ALCAM: variants seen among roughly 807,000 people sequenced by gnomAD.
The protein encoded by ALCAM is CD166 antigen.
In ALCAM, 30 loss-of-function variants were observed where a neutral mutation model predicts 70.9. The ratio of observed to expected loss-of-function variants is 0.42; its 90% CI spans 0.32 to 0.57. The LOEUF is 0.57. Ranked by LOEUF, ALCAM falls within the 20% of genes least tolerant of loss-of-function variation. The pLI, the probability that ALCAM is intolerant of heterozygous loss-of-function variation, is 0.11. For synonymous variants in ALCAM, 249 were observed against 242.5 expected (o/e 1.03, Z -0.25); for missense variants, 591 against 695.1 (o/e 0.85, Z 1.68).
intron 1 of ALCAM, among the ~76,000 whole-genome samples, chr3:105,406,961 C>T (rs6437587): frequency 0.7 from 106,881 of 151,850 alleles, 37,886 homozygotes; most frequent in East Asian, 0.92. Context: ...GTAGAGGAGA[C>T]GAATAAATTC....
At chr3:105,509,549 T>C (rs1351277893) in intron 1 of ALCAM, among the ~76,000 whole-genome samples, 6 of 152,100 alleles carry the variant, frequency 3.9e-5, no homozygotes, top group Non-Finnish European at 8.8e-5. Flanking sequence ...GCCTGTTTTT[T>C]TTATCTGCTT....
rs998030362 is a variant in ALCAM, at chr3:105,525,150, C to T, written c.394+642C>T. 4.1e-6 allele frequency: 4 copies of T among 982,454 alleles called. No homozygotes were observed. In the Admixed American group the frequency reaches 1.9e-4, roughly 46 times the overall value. 60.9% of individuals were successfully genotyped at this position (982,454 alleles called of 1,614,324 possible). A position where few individuals can be genotyped will look rare whatever the true frequency, so the allele number is the denominator to read the frequency against. ...GTATTCACTTGCTTTAGAAAATTGT[C>T]CTAAAATTAAAAAAACTCACTATAC... On this transcript the variant is annotated intron_variant, in intron 3 of 15. Transcript: ENST00000306107.
chr3:105,434,087 T>G (rs1936997330), intron 1 of ALCAM, among the ~76,000 whole-genome samples: 1 of 152,142 alleles, frequency 6.6e-6, no homozygotes, highest in African/African-American at 2.4e-5. Context: ...TCCTTGACAT[T>G]AAGAATTTCA....
intron 1 of ALCAM, among the ~76,000 whole-genome samples, chr3:105,445,939 A>G (rs1258332699): frequency 1.3e-5 from 2 of 152,168 alleles, no homozygotes; most frequent in African/African-American, 4.8e-5. Flanking sequence ...TTTGGATAAG[A>G]CCACAAAAGC....
chr3:105,510,934 A>G (rs977940459), intron 1 of ALCAM, among the ~76,000 whole-genome samples: 3 of 152,018 alleles, frequency 2.0e-5, no homozygotes, highest in African/African-American at 7.2e-5. Context: ...AATCTTTGGG[A>G]GTACTGGAAA....
chr3:105,433,561 T>C (rs1936984476), intron 1 of ALCAM, among the ~76,000 whole-genome samples: 1 of 152,040 alleles, frequency 6.6e-6, no homozygotes, highest in Non-Finnish European at 1.5e-5. Flanking sequence ...GGATATCTGA[T>C]GAACTAGTCA....
intron 1 of ALCAM, among the ~76,000 whole-genome samples, chr3:105,491,311 TG>T (rs540722974): frequency 6.9e-4 from 105 of 152,320 alleles, no homozygotes; most frequent in Non-Finnish European, 1.4e-3. Context: ...ATGATGAGAT[TG>T]GCTGACGCGA....
At chr3:105,553,541 CT>C (rs1940458350) in intron 14 of ALCAM, among the ~76,000 whole-genome samples, 1 of 151,748 alleles carries the variant, frequency 6.6e-6, no homozygotes, top group African/African-American at 2.4e-5. Context: ...AGAAAGTTGA[CT>C]TAAAAGAGAA....
intron 1 of ALCAM, among the ~76,000 whole-genome samples, chr3:105,424,592 A>G (rs1262588611): frequency 6.6e-6 from 1 of 151,734 alleles, no homozygotes; most frequent in Non-Finnish European, 1.5e-5. Context: ...AAAGACAGGC[A>G]TTATAATAGG....
chr3:105,371,795 G>T (rs917044014), intron 1 of ALCAM, among the ~76,000 whole-genome samples: 2 of 152,120 alleles, frequency 1.3e-5, no homozygotes, highest in African/African-American at 4.8e-5. Context: ...TTATAGCCCA[G>T]ATATGCAGAA....
At chr3:105,462,698 A>T (rs1937621260) in intron 1 of ALCAM, among the ~76,000 whole-genome samples, 1 of 151,434 alleles carries the variant, frequency 6.6e-6, no homozygotes, top group Non-Finnish European at 1.5e-5. Context: ...TAAAACATCT[A>T]AGTTGATGTT....
At chr3:105,395,203 C>A (rs1935920558) in intron 1 of ALCAM, among the ~76,000 whole-genome samples, 1 of 151,872 alleles carries the variant, frequency 6.6e-6, no homozygotes, top group Admixed American at 6.6e-5. Flanking sequence ...TTGGGCCTTT[C>A]AAGATCTTTC....
At chr3:105,378,222 G>A (rs938962145) in intron 1 of ALCAM, among the ~76,000 whole-genome samples, 12 of 151,506 alleles carry the variant, frequency 7.9e-5, no homozygotes, top group South Asian at 2.1e-4. Context: ...GAAAATAGCA[G>A]GATATATATA....
At chr3:105,526,103 C>T (rs552451653) in intron 3 of ALCAM, among the ~76,000 whole-genome samples, 4 of 152,148 alleles carry the variant, frequency 2.6e-5, no homozygotes, top group Admixed American at 6.5e-5. Context: ...AAATGGACCA[C>T]AGTAGCTACA....
At chr3:105,369,809 T>C (rs1392065985) in intron 1 of ALCAM, among the ~76,000 whole-genome samples, 1 of 152,154 alleles carries the variant, frequency 6.6e-6, no homozygotes, top group African/African-American at 2.4e-5. Flanking sequence ...GTCATTGATA[T>C]ATTTTAGGCG....
At chr3:105,422,954 T>C (rs996427698) in intron 1 of ALCAM, among the ~76,000 whole-genome samples, 1 of 151,466 alleles carries the variant, frequency 6.6e-6, no homozygotes, top group Non-Finnish European at 1.5e-5. Context: ...ACAGTAGCTA[T>C]CCCATTTTAC....
intron 1 of ALCAM, among the ~76,000 whole-genome samples, chr3:105,463,450 A>G (rs894447368): frequency 2.6e-5 from 4 of 151,518 alleles, no homozygotes; most frequent in Admixed American, 2.0e-4. Context: ...TTTAAGTTAC[A>G]TAACTTTAGA....
At chr3:105,500,496 G>A (rs946605472) in intron 1 of ALCAM, among the ~76,000 whole-genome samples, 3 of 151,950 alleles carry the variant, frequency 2.0e-5, no homozygotes, top group Non-Finnish European at 4.4e-5. Context: ...TTTAATATAC[G>A]AAAGTTAATT....
chr3:105,486,536 A>T (rs144938545), intron 1 of ALCAM, among the ~76,000 whole-genome samples: 5 of 152,282 alleles, frequency 3.3e-5, no homozygotes, highest in Admixed American at 2.0e-4. Flanking sequence ...TACAGTCCAT[A>T]TTAGAAGGAA....
Sources: allele counts gnomAD v4.1 joint callset (sites outside exome capture counted in the v4.1 genomes callset), GRCh38; gene constraint gnomAD v4.1.1; transcripts MANE v1.5; gene names NCBI Gene and HGNC (gene_info 2026-07-23, HGNC 2026-07-21).